SLC9A3: variants seen among roughly 807,000 people sequenced by gnomAD.
SLC9A3 encodes sodium/hydrogen exchanger 3.
A neutral mutation model predicts 86.8 loss-of-function variants in SLC9A3; 37 were observed. The ratio of observed to expected loss-of-function variants is 0.43; its 90% CI spans 0.33 to 0.56. The LOEUF is 0.56. Ranked by LOEUF, SLC9A3 falls within the 20% of genes least tolerant of loss-of-function variation. SLC9A3 has a pLI of 0.06. For missense variants in SLC9A3, 1,011 were observed against 1,171.9 expected, an observed-to-expected ratio of 0.86 and a Z score of 2.00; for synonymous variants, 581 against 528.3, an observed-to-expected ratio of 1.10 and a Z score of -1.37.
intron 5 of SLC9A3, among the ~76,000 whole-genome samples, chr5:484,073 C>G (rs1408868065): frequency 6.6e-6 from 1 of 152,024 alleles, no homozygotes; most frequent in Non-Finnish European, 1.5e-5. Context: ...GAGTTGGGGT[C>G]CCCCTGGCTG....
At chr5:509,171 AGGCACAGTGG>A (rs1354191322) in intron 1 of SLC9A3, among the ~76,000 whole-genome samples, 1 of 149,924 alleles carries the variant, frequency 6.7e-6, no homozygotes, top group Non-Finnish European at 1.5e-5. Context: ...ATGTAGGGCC[AGGCACAGTGG>A]CCACACCTGT....
In SLC9A3 at chr5:494,568, AT is replaced by A. The variant is rs1739934573; in HGVS notation, c.212-2498del. Among the ~76,000 whole-genome samples the A allele has an allele frequency of 2.0e-5, 3 of 152,052 alleles. No individual in the cohort carries two copies. The South Asian group carries it at 6.2e-4, about 31-fold the overall frequency. On this transcript the variant is annotated intron_variant, in intron 1 of 16. Transcript: ENST00000264938. ...GTGTTCCCACCTCTGCAGCCTCCTGATTTTTTTAATAATGTCCAGAGAGAAG... is the reference window on the plus strand; with the variant it reads ...GTGTTCCCACCTCTGCAGCCTCCTGATTTTTTAATAATGTCCAGAGAGAAG...
intron 1 of SLC9A3, among the ~76,000 whole-genome samples, chr5:519,192 C>A (rs1733814916): frequency 6.6e-6 from 1 of 152,168 alleles, no homozygotes; most frequent in Admixed American, 6.5e-5. Context: ...ACCTCTCCTG[C>A]CAGGACTGGG....
At chr5:524,077 C>G in intron 1 of SLC9A3, 35 bp downstream of exon 1, 1 of 1,414,894 alleles carries the variant, frequency 7.1e-7, no homozygotes, top group Non-Finnish European at 9.4e-7. Flanking sequence ...GCCGCACACC[C>G]CGCGGGCAGA....
intron 1 of SLC9A3, among the ~76,000 whole-genome samples, chr5:494,376 G>C (rs928883706): frequency 1.3e-5 from 2 of 152,146 alleles, no homozygotes; most frequent in South Asian, 2.1e-4. Flanking sequence ...GTGGCCTTCC[G>C]GGCCTGCGAG....
chr5:486,218 G>A (rs1036102532), intron 3 of SLC9A3, among the ~76,000 whole-genome samples: 5 of 152,202 alleles, frequency 3.3e-5, no homozygotes, highest in African/African-American at 4.8e-5. Flanking sequence ...AGGGTCCTCG[G>A]GGCTGGGGGA....
chr5:473,270 TCGC>T lies in SLC9A3; in HGVS notation c.*106_*108del. 1 of 1,173,356 alleles carries T rather than the reference TCGC, an allele frequency of 8.5e-7. No homozygotes were observed. Among genetic ancestry groups the T allele is most frequent in the Non-Finnish European group, 1.1e-6 (1 of 926,610 alleles). The allele number at this position is 1,173,356 out of a possible 1,614,324, so 72.7% of individuals were successfully genotyped here. A position where few individuals can be genotyped will look rare whatever the true frequency, so the allele number is the denominator to read the frequency against. On this transcript the variant is annotated 3_prime_UTR_variant, in exon 17 of 17. Transcript: ENST00000264938. The stretch of plus-strand genomic sequence containing the variant: ...GCGAGGCGGGGCTCGGGGCTCGCGG[TCGC>T]TGTAGCCGCGCGGGGATCTGGGGTT...
At chr5:517,812 ACCATCCAT>A (rs72445363) in intron 1 of SLC9A3, among the ~76,000 whole-genome samples, 8 of 144,762 alleles carry the variant, frequency 5.5e-5, no homozygotes, top group South Asian at 2.3e-4. Context: ...ATCCATCCAA[ACCATCCAT>A]CCATCCATCC....
chr5:479,648 A>G, intron 10 of SLC9A3, 188 bp downstream of exon 10: 2 of 592,710 alleles, frequency 3.4e-6, no homozygotes, highest in Non-Finnish European at 6.0e-6. Context: ...TCTGTGACTC[A>G]GTTTACCCCA....
intron 2 of SLC9A3, among the ~76,000 whole-genome samples, chr5:488,717 C>T (rs6869648): frequency 0.2 from 30,117 of 152,292 alleles, 3,886 homozygotes; most frequent in Non-Finnish European, 0.28. Context: ...CTGACCCTGG[C>T]CCTGGCCCTC....
Position 524,338 on chromosome 5 carries a change from G to A in SLC9A3, c.-16C>T. 1 of 1,164,264 alleles carries A rather than the reference G, an allele frequency of 8.6e-7. No individual in the cohort carries two copies. The highest frequency in any genetic ancestry group is 1.1e-6 in the Non-Finnish European group (1 of 927,930). The allele number at this position is 1,164,264 out of a possible 1,614,324, so 72.1% of individuals were successfully genotyped here. On this transcript the variant is annotated 5_prime_UTR_variant, in exon 1 of 17. Transcript: ENST00000264938. ...GTCCCCACATTGCCGCCTGCTCAGC[G>A]CAGGGCTGGGACGCGCATGTCGCGG...
At chr5:477,668 C>T in intron 10 of SLC9A3, 1 of 515,588 alleles carries the variant, frequency 1.9e-6, no homozygotes, top group African/African-American at 1.9e-5. Flanking sequence ...CAGGCTGCTG[C>T]CTGAACTGGG....
chr5:488,668 C>T (rs749427579), intron 2 of SLC9A3, among the ~76,000 whole-genome samples, 192 bp from the exon 3 acceptor site: 34 of 152,362 alleles, frequency 2.2e-4, no homozygotes, highest in African/African-American at 6.3e-4. Flanking sequence ...TGCTGTCTTC[C>T]GAGGGGGCCA....
intron 1 of SLC9A3, among the ~76,000 whole-genome samples, chr5:492,611 A>C (rs1579796446): frequency 6.8e-6 from 1 of 147,866 alleles, no homozygotes; most frequent in South Asian, 2.1e-4. Context: ...CAGTTGGAGG[A>C]GGGAGCCGGT....
intron 1 of SLC9A3, among the ~76,000 whole-genome samples, chr5:505,933 G>A (rs1740558838): frequency 1.3e-5 from 2 of 151,854 alleles, no homozygotes; most frequent in South Asian, 2.1e-4. Flanking sequence ...TTGGGGTGGG[G>A]TTAGGGTTGG....
At position 476,304 on chromosome 5, in the gene SLC9A3, C is replaced by T; in HGVS notation, c.1965G>A (p.Arg655=). Residue 655 remains arginine, a synonymous_variant, in exon 13 of 17, where the codon AGG becomes AGA. Coordinates refer to ENST00000264938, the MANE Select transcript of SLC9A3 (RefSeq NM_004174.4). ...AGGACTCCAGGCGCTTCCGCATGGT[C>T]CTGTGGAAGATTTCCCGGTCCTGTT... is the stretch of plus-strand genomic sequence containing the variant. ...DEKQDREIFH[R]TMRKRLESFK... 2 of 1,613,996 alleles carry T rather than the reference C, an allele frequency of 1.2e-6. No homozygotes were observed. The highest frequency in any genetic ancestry group is 1.7e-6 in the Non-Finnish European group (2 of 1,180,014).
At chr5:493,056 G>A (rs1179849165) in intron 1 of SLC9A3, among the ~76,000 whole-genome samples, 1 of 152,180 alleles carries the variant, frequency 6.6e-6, no homozygotes, top group Non-Finnish European at 1.5e-5. Context: ...CCGGCCCTGT[G>A]GGTGGGGGTG....
chr5:485,654 C>T (rs768385923), intron 3 of SLC9A3, among the ~76,000 whole-genome samples: 9 of 152,364 alleles, frequency 5.9e-5, no homozygotes, highest in East Asian at 1.9e-4. Context: ...AGATAAAATG[C>T]GGGGAAACCT....
chr5:489,219 C>T (rs970614714), intron 2 of SLC9A3, among the ~76,000 whole-genome samples: 4 of 152,160 alleles, frequency 2.6e-5, no homozygotes, highest in Non-Finnish European at 4.4e-5. Context: ...CTCTCACGGC[C>T]GCAGGGCTCA....
Sources: gnomAD v4.1 joint callset for allele counts (sites outside exome capture counted in the v4.1 genomes callset) on GRCh38, gnomAD v4.1.1 for gene constraint, MANE v1.5 for transcripts, NCBI Gene and HGNC (gene_info 2026-07-23, HGNC 2026-07-21) for gene names.